The following SNAP91 variants were observed in gnomAD, a reference collection of about 807,000 sequenced individuals.
The protein encoded by SNAP91 is synaptosome associated protein 91.
Under a neutral mutation model 100.3 loss-of-function variants are expected in SNAP91, and 27 were observed. The observed-to-expected ratio is 0.27, with a 90% CI of 0.20 to 0.37. The LOEUF (loss-of-function observed/expected upper bound fraction) is 0.37, where lower values mean the gene tolerates loss of function less well. SNAP91 is among the 10% of genes least tolerant of loss of function. The probability of loss-of-function intolerance (pLI) is 1.00; values close to 1 mark genes in which losing one functional copy is unlikely to be tolerated. For synonymous variants in SNAP91, 404 were observed against 398.6 expected (o/e 1.01, Z -0.16); for missense variants, 986 against 1,123.7 (o/e 0.88, Z 1.75).
intron 26 of SNAP91, among the ~76,000 whole-genome samples, chr6:83,573,571 C>T (rs1812473068): frequency 1.3e-5 from 2 of 152,112 alleles, no homozygotes; most frequent in Non-Finnish European, 2.9e-5. Flanking sequence ...GCTACAGTAA[C>T]CAAAACAGCA....
chr6:83,680,339 A>G (rs1487010401), intron 2 of SNAP91, among the ~76,000 whole-genome samples: 1 of 152,126 alleles, frequency 6.6e-6, no homozygotes, highest in Non-Finnish European at 1.5e-5. Context: ...ACCCTATTCT[A>G]TAACTTCTGT....
chr6:83,623,436 C>A (rs551411390), intron 8 of SNAP91, 94 bp from the exon 9 acceptor site: 3 of 830,364 alleles, frequency 3.6e-6, no homozygotes, highest in South Asian at 3.0e-5. Flanking sequence ...TTAAACAGCT[C>A]AATATTGGTG....
At chr6:83,687,874 G>GAGTC (rs536362106) in intron 2 of SNAP91, among the ~76,000 whole-genome samples, 239 of 152,302 alleles carry the variant, frequency 1.6e-3, no homozygotes, top group African/African-American at 5.3e-3. Context: ...AGAAATAAAG[G>GAGTC]AGTCAAGCAA....
chr6:83,586,344 C>T (rs190766783), intron 22 of SNAP91, among the ~76,000 whole-genome samples: 11 of 152,172 alleles, frequency 7.2e-5, no homozygotes, highest in Non-Finnish European at 1.6e-4. Context: ...AGAACAAATG[C>T]AAAACTACAA....
At chr6:83,682,822 T>G (rs1268090048) in intron 2 of SNAP91, among the ~76,000 whole-genome samples, 1 of 146,316 alleles carries the variant, frequency 6.8e-6, no homozygotes, top group Non-Finnish European at 1.5e-5. Context: ...TAAATTAGCC[T>G]TTTTTTTTGA....
At chr6:83,626,588 G>T (rs2096939931) in intron 8 of SNAP91, among the ~76,000 whole-genome samples, 1 of 151,854 alleles carries the variant, frequency 6.6e-6, no homozygotes, top group South Asian at 2.1e-4. Flanking sequence ...TTGGTTAGAG[G>T]TACTCCTAGG....
chr6:83,668,721 C>T (rs898063117), intron 2 of SNAP91, among the ~76,000 whole-genome samples: 1 of 151,966 alleles, frequency 6.6e-6, no homozygotes, highest in African/African-American at 2.4e-5. Flanking sequence ...GGAGATGTAC[C>T]TAATGTAAGT....
In SNAP91 at chr6:83,632,272, C is replaced by T. The variant is rs529070126; in HGVS notation, c.765+8824G>A. Among the ~76,000 whole-genome samples, 141 of 151,858 alleles carry T rather than the reference C, an allele frequency of 9.3e-4. 1 individual carries two copies. Among genetic ancestry groups the T allele is most frequent in the Middle Eastern group, 3.4e-3 (1 of 294 alleles). ...ATACCTTTAAAGGTATAACTATAAA[C>T]GTTTTCCTTTATAGGTTACCTGATG... On this transcript the variant is annotated intron_variant, in intron 8 of 29. Coordinates refer to ENST00000369694, the MANE Select transcript of SNAP91 (RefSeq NM_001242792.2).
chr6:83,699,968 T>C (rs1372206465), intron 2 of SNAP91, among the ~76,000 whole-genome samples: 1 of 152,208 alleles, frequency 6.6e-6, no homozygotes, highest in Non-Finnish European at 1.5e-5. Flanking sequence ...AAATCTTATA[T>C]ATGATGAAGG....
intron 11 of SNAP91, among the ~76,000 whole-genome samples, chr6:83,611,963 C>T (rs530277266): frequency 2.0e-5 from 3 of 149,276 alleles, no homozygotes; most frequent in South Asian, 2.1e-4. Flanking sequence ...CCTCATGATC[C>T]GCCTGCCTCG....
At chr6:83,666,524 A>G (rs887688247) in intron 2 of SNAP91, among the ~76,000 whole-genome samples, 1 of 152,138 alleles carries the variant, frequency 6.6e-6, no homozygotes, top group Non-Finnish European at 1.5e-5. Flanking sequence ...TGCGCTTGCA[A>G]CAAACATGCA....
At chr6:83,573,135 G>C (rs892937336) in intron 26 of SNAP91, among the ~76,000 whole-genome samples, 1 of 152,042 alleles carries the variant, frequency 6.6e-6, no homozygotes, top group Non-Finnish European at 1.5e-5. Flanking sequence ...TGTATTGATA[G>C]GTAAAGAGAG....
intron 8 of SNAP91, among the ~76,000 whole-genome samples, chr6:83,637,992 G>A (rs999011961): frequency 1.3e-5 from 2 of 152,144 alleles, no homozygotes; most frequent in Admixed American, 6.5e-5. Flanking sequence ...CGGGGGCTGC[G>A]CTGTGGATAT....
Position 83,593,257 on chromosome 6 carries a change from A to C in SNAP91, c.1699T>G (p.Leu567Val). The C allele has an allele frequency of 6.3e-7, 1 of 1,588,040 alleles. No homozygotes were observed. The highest frequency in any genetic ancestry group is 8.6e-7 in the Non-Finnish European group (1 of 1,166,610). Residue 567 changes from leucine to valine, a missense_variant and splice_region_variant, in exon 19 of 30, where the codon TTA becomes GTA. Coordinates refer to ENST00000369694, the MANE Select transcript of SNAP91 (RefSeq NM_001242792.2). ...GCAACTTCAGGAGTGGACTCAAATA[A>C]ATCTAAGACCAAGAACACACATGCC... ...APPALDIFGD[L>V]FESTPEVAAA... is the part of the protein sequence containing the mutation.
intron 22 of SNAP91, among the ~76,000 whole-genome samples, chr6:83,590,052 T>C (rs1435930283): frequency 6.6e-6 from 1 of 152,162 alleles, no homozygotes; most frequent in Admixed American, 6.6e-5. Context: ...CCAGTGGTGA[T>C]GTGACCCATG....
At chr6:83,618,376 T>TA (rs545590099) in intron 9 of SNAP91, among the ~76,000 whole-genome samples, 10,630 of 147,426 alleles carry the variant, frequency 0.072, 417 homozygotes, top group African/African-American at 0.1. Context: ...ACTATAGAGT[T>TA]AAAAAAAAAA....
intron 26 of SNAP91, among the ~76,000 whole-genome samples, chr6:83,568,799 T>A (rs554298673): frequency 3.4e-4 from 52 of 152,286 alleles, no homozygotes; most frequent in African/African-American, 1.2e-3. Context: ...CAAATCTGCA[T>A]CCTTCATCTC....
At chr6:83,558,751 A>G (rs1338442590) in intron 28 of SNAP91, among the ~76,000 whole-genome samples, 2 of 152,234 alleles carry the variant, frequency 1.3e-5, no homozygotes, top group Non-Finnish European at 2.9e-5. Flanking sequence ...TCATTAAAAT[A>G]TATTTGAGCT....
At chr6:83,707,753 C>T (rs752129945) in intron 2 of SNAP91, 45 bp downstream of exon 2, 11 of 1,605,500 alleles carry the variant, frequency 6.9e-6, no homozygotes, top group South Asian at 1.1e-5. Flanking sequence ...GCATCCCAGG[C>T]GCCTCTGCCG....
Sources: gnomAD v4.1 joint callset for allele counts (sites outside exome capture counted in the v4.1 genomes callset) on GRCh38, gnomAD v4.1.1 for gene constraint, MANE v1.5 for transcripts, NCBI Gene and HGNC (gene_info 2026-07-23, HGNC 2026-07-21) for gene names.